Variants in AMZ1 observed in about 807,000 individuals in gnomAD.
AMZ1 encodes archaelysin family metallopeptidase 1.
In AMZ1, 39 loss-of-function variants were observed where a neutral mutation model predicts 29.9. The ratio of observed to expected loss-of-function variants is 1.30; its 90% CI spans 1.01 to 1.70. The LOEUF (loss-of-function observed/expected upper bound fraction) is 1.70, where lower values mean the gene tolerates loss of function less well. Ranked by LOEUF, AMZ1 falls within the 40% of genes most tolerant of loss-of-function variation. The probability of loss-of-function intolerance (pLI) is 0.00; values close to 1 mark genes in which losing one functional copy is unlikely to be tolerated. For synonymous variants in AMZ1, 458 were observed against 304.0 expected (o/e 1.51, Z -5.27); for missense variants, 1,041 against 680.6 (o/e 1.53, Z -5.89).
intron 1 of AMZ1, among the ~76,000 whole-genome samples, chr7:2,699,319 C>G (rs1488294455): frequency 6.6e-6 from 1 of 152,184 alleles, no homozygotes; most frequent in Non-Finnish European, 1.5e-5. Flanking sequence ...TGCAGGGCGG[C>G]TTTGTCACGG....
At position 2,717,695 on chromosome 7, in the gene AMZ1, CAG is replaced by C. The variant is rs141334736; in HGVS notation, c.*4819_*4820del. ...CCTGGCCTGCGAACGCTGTTAAAAA[CAG>C]ATGCAGATCGCGGGTGGAGACGGCC... is the stretch of plus-strand genomic sequence containing the variant. On this transcript the variant is annotated 3_prime_UTR_variant, in exon 7 of 7. Transcript: ENST00000683327. Among the ~76,000 whole-genome samples the C allele has an allele frequency of 4.5e-3, 684 of 152,330 alleles. 4 individuals are homozygous for C. Among genetic ancestry groups the C allele is most frequent in the African/African-American group, 0.016 (656 of 41,570 alleles).
chr7:2,717,856 A>C lies in AMZ1; in HGVS notation c.*4978A>C, dbSNP rs543898871. 6.6e-6 allele frequency among the ~76,000 whole-genome samples: 1 copy of C among 152,168 alleles called. No individual in the cohort carries two copies. The highest frequency in any genetic ancestry group is 1.5e-5 in the Non-Finnish European group (1 of 68,028). ...GAAAACAGGCTGATGTCAGGGGTTT[A>C]TTTTAAAAAGCAATTTCCAAGAAGC... On this transcript the variant is annotated 3_prime_UTR_variant, in exon 7 of 7. Transcript: ENST00000683327.
downstream of AMZ1, among the ~76,000 whole-genome samples, chr7:2,721,700 A>G (rs1789427061): frequency 6.8e-6 from 1 of 147,980 alleles, no homozygotes; most frequent in African/African-American, 2.5e-5. Context: ...TGGGCAACAG[A>G]GCGAGACTAC....
At chr7:2,762,588 A>C (rs1791613353), upstream of AMZ1, 4 of 1,500,178 alleles carry the variant, frequency 2.7e-6, no homozygotes, top group Non-Finnish European at 3.6e-6. Context: ...TTACATTTAC[A>C]AACCCAAAAA....
At chr7:2,686,514 A>G (rs1202321419), upstream of AMZ1, among the ~76,000 whole-genome samples, 1 of 152,194 alleles carries the variant, frequency 6.6e-6, no homozygotes, top group Non-Finnish European at 1.5e-5. Flanking sequence ...AGCTTGGGCA[A>G]TAGAGCAAGA....
At chr7:2,755,586 T>C (rs1379357838) in intron 4 of AMZ1, among the ~76,000 whole-genome samples, 1 of 152,258 alleles carries the variant, frequency 6.6e-6, no homozygotes, top group Non-Finnish European at 1.5e-5. Context: ...ATATTTTGTA[T>C]ATGGATCTTG....
chr7:2,709,310 G>C (rs146152915), intron 5 of AMZ1, 66 bp downstream of exon 5: 71 of 1,414,316 alleles, frequency 5.0e-5, no homozygotes, highest in Admixed American at 5.9e-5. Context: ...TTGGTGCCTC[G>C]GTCTGTTACA....
At chr7:2,752,464 G>A (rs549375358) in intron 4 of AMZ1, among the ~76,000 whole-genome samples, 13 of 152,216 alleles carry the variant, frequency 8.5e-5, no homozygotes, top group Admixed American at 3.3e-4. Context: ...GCAAGCAAGC[G>A]AACAAATGAA....
In AMZ1 at chr7:2,718,227, C is replaced by G. The variant is rs942134718; in HGVS notation, c.*5349C>G. Among the ~76,000 whole-genome samples, 1 of 152,246 alleles carries G rather than the reference C, an allele frequency of 6.6e-6. No homozygotes were observed. The highest frequency in any genetic ancestry group is 2.4e-5 in the African/African-American group (1 of 41,470). On this transcript the variant is annotated 3_prime_UTR_variant, in exon 7 of 7. Transcript: ENST00000683327. ...AGTCACGTGGCTCCACCCTGGGGCTCCTCTGATGCCGAGAGCTCTGGCTCT... is the reference window on the plus strand; with the variant it reads ...AGTCACGTGGCTCCACCCTGGGGCTGCTCTGATGCCGAGAGCTCTGGCTCT...
chr7:2,703,089 A>G (rs1788154152), intron 3 of AMZ1, among the ~76,000 whole-genome samples, 200 bp downstream of exon 3: 2 of 152,148 alleles, frequency 1.3e-5, no homozygotes, highest in African/African-American at 4.8e-5. Flanking sequence ...ACCTGACCAT[A>G]CAGCCAGTGC....
At chr7:2,744,155 C>G (rs1790648957) in intron 4 of AMZ1, among the ~76,000 whole-genome samples, 2 of 152,224 alleles carry the variant, frequency 1.3e-5, no homozygotes, top group Non-Finnish European at 2.9e-5. Flanking sequence ...CCCCGTCTGA[C>G]AGCTTTGAAG....
At chr7:2,733,023 T>C (rs1233353915) in intron 4 of AMZ1, among the ~76,000 whole-genome samples, 1 of 152,154 alleles carries the variant, frequency 6.6e-6, no homozygotes, top group African/African-American at 2.4e-5. Flanking sequence ...CGGTTGTCAT[T>C]TTTCGTCTTG....
chr7:2,709,177 A>AG lies in AMZ1; in HGVS notation c.706dup (p.Ala236GlyfsTer120), dbSNP rs750207124. On this transcript the variant is annotated frameshift_variant, in exon 5 of 7. Coordinates refer to ENST00000683327, the MANE Select transcript of AMZ1 (RefSeq NM_001384743.1). LOFTEE classifies it high-confidence loss of function. Reference sequence around the variant, plus strand: ...GTAGAGGCAGCAGCAGACGGCCCCGAGGCCCCCCTGCAGGACAGGGGCTGG... The same window carrying AG: ...GTAGAGGCAGCAGCAGACGGCCCCGAGGGCCCCCCTGCAGGACAGGGGCTGG... The AG allele has an allele frequency of 6.5e-7, 1 of 1,546,376 alleles. No individual in the cohort carries two copies. Among genetic ancestry groups the AG allele is most frequent in the Non-Finnish European group, 8.7e-7 (1 of 1,148,194 alleles).
At chr7:2,707,225 A>G (rs1788406328) in intron 3 of AMZ1, among the ~76,000 whole-genome samples, 1 of 151,810 alleles carries the variant, frequency 6.6e-6, no homozygotes, top group South Asian at 2.1e-4. Flanking sequence ...GTGAACTGAG[A>G]TAGATAGCGC....
At chr7:2,721,985 T>C (rs1408176716), downstream of AMZ1, among the ~76,000 whole-genome samples, 1 of 152,232 alleles carries the variant, frequency 6.6e-6, no homozygotes, top group East Asian at 1.9e-4. Flanking sequence ...CCGGCGCAGG[T>C]GGTGCTGGCG....
chr7:2,715,507 C>T lies in AMZ1; in HGVS notation c.*2629C>T, dbSNP rs762833975. ...CCAAAGCCTCGGCGCTCTCTGTACC[C>T]GTGTCCTTTGACCCTCAGCTGTGAT... is the stretch of plus-strand genomic sequence containing the variant. On this transcript the variant is annotated 3_prime_UTR_variant, in exon 7 of 7. Coordinates refer to ENST00000683327, the MANE Select transcript of AMZ1 (RefSeq NM_001384743.1). 6 of 152,202 alleles carry T rather than the reference C, an allele frequency of 3.9e-5. No individual in the cohort carries two copies. Among genetic ancestry groups the T allele is most frequent in the South Asian group, 2.1e-4 (1 of 4,824 alleles). The allele number at this position is 152,202 out of a possible 1,614,324, so 9.4% of individuals were successfully genotyped here.
intron 4 of AMZ1, among the ~76,000 whole-genome samples, chr7:2,741,132 T>C (rs4722029): frequency 0.17 from 25,261 of 152,136 alleles, 2,173 homozygotes; most frequent in Non-Finnish European, 0.2. Context: ...GGGATCATCA[T>C]AGAAAAATGA....
chr7:2,723,917 ATTTTT>A (rs746517805), downstream of AMZ1, among the ~76,000 whole-genome samples: 6 of 151,590 alleles, frequency 4.0e-5, no homozygotes, highest in Non-Finnish European at 8.8e-5. Flanking sequence ...TTCTGGCCAG[ATTTTT>A]TTTTGAGACA....
chr7:2,688,875 G>A (rs1787214608), intron 1 of AMZ1, among the ~76,000 whole-genome samples: 1 of 152,268 alleles, frequency 6.6e-6, no homozygotes, highest in Non-Finnish European at 1.5e-5. Flanking sequence ...AGAAAAGCAA[G>A]GGAGGGGTGA....
Sources: allele counts gnomAD v4.1 joint callset (sites outside exome capture counted in the v4.1 genomes callset), GRCh38; gene constraint gnomAD v4.1.1; transcripts MANE v1.5; gene names NCBI Gene and HGNC (gene_info 2026-07-23, HGNC 2026-07-21).